The following LMBRD1 variants were observed in gnomAD, a reference collection of about 807,000 sequenced individuals.
LMBRD1 encodes the protein LMBR1 domain containing 1, also known as lysosomal cobalamin transport escort protein LMBD1.
A neutral mutation model predicts 74.8 loss-of-function variants in LMBRD1; 64 were observed. That is an observed-to-expected ratio of 0.86 (90% confidence interval 0.70 to 1.05). LMBRD1 has a LOEUF of 1.05. Among genes scored for constraint, LMBRD1 ranks in the 50% least tolerant of loss-of-function variants. The pLI, the probability that LMBRD1 is intolerant of heterozygous loss-of-function variation, is 0.00. For synonymous variants in LMBRD1, 204 were observed against 216.3 expected, an observed-to-expected ratio of 0.94 and a Z score of 0.50; for missense variants, 652 against 645.9, an observed-to-expected ratio of 1.01 and a Z score of -0.10.
At chr6:69,757,038 A>C (rs142388274) in intron 3 of LMBRD1, among the ~76,000 whole-genome samples, 1 of 152,216 alleles carries the variant, frequency 6.6e-6, no homozygotes, top group Non-Finnish European at 1.5e-5. Context: ...GAAATATTAT[A>C]TGCAGTGATC....
chr6:69,724,358 A>AAC (rs1562099909), intron 7 of LMBRD1, among the ~76,000 whole-genome samples: 1 of 149,458 alleles, frequency 6.7e-6, no homozygotes, highest in Non-Finnish European at 1.5e-5. Flanking sequence ...TAAAAAAAAA[A>AAC]AAAAAAACAC....
At chr6:69,757,198 G>A (rs1022304045) in intron 3 of LMBRD1, among the ~76,000 whole-genome samples, 4 of 152,056 alleles carry the variant, frequency 2.6e-5, no homozygotes, top group African/African-American at 9.7e-5. Flanking sequence ...AACAAGCCCA[G>A]ACACAAGACT....
chr6:69,765,732 C>A (rs1201211469), intron 3 of LMBRD1, among the ~76,000 whole-genome samples: 4 of 152,118 alleles, frequency 2.6e-5, no homozygotes, highest in Admixed American at 2.6e-4. Context: ...TGCATCTTTA[C>A]AGCATTGTGT....
At chr6:69,759,405 T>C (rs1160208017) in intron 3 of LMBRD1, among the ~76,000 whole-genome samples, 1 of 152,034 alleles carries the variant, frequency 6.6e-6, no homozygotes, top group Admixed American at 6.6e-5. Flanking sequence ...TGCAAATTGA[T>C]TCTTTAAAAG....
At chr6:69,740,835 T>C (rs1485052044) in intron 6 of LMBRD1, among the ~76,000 whole-genome samples, 1 of 152,162 alleles carries the variant, frequency 6.6e-6, no homozygotes, top group Non-Finnish European at 1.5e-5. Context: ...TTTTGAGTAA[T>C]ATGATACACA....
In LMBRD1 at chr6:69,796,962, T is replaced by C; in HGVS notation, c.-81A>G. The C allele has an allele frequency of 2.5e-6, 3 of 1,207,500 alleles. No individual in the cohort carries two copies. In the South Asian group the frequency reaches 3.8e-5, roughly 15 times the overall value. The allele number at this position is 1,207,500 out of a possible 1,614,324, so 74.8% of individuals were successfully genotyped here. A position where few individuals can be genotyped will look rare whatever the true frequency, so the allele number is the denominator to read the frequency against. On this transcript the variant is annotated 5_prime_UTR_variant, in exon 1 of 16. Transcript: ENST00000649934. ...AAAGGGGAGAGAGCGCGAGATATAC[T>C]GCACCCGCGCACCCTAAAGGTTAAA...
chr6:69,742,509 C>T (rs6909708), intron 5 of LMBRD1, among the ~76,000 whole-genome samples: 6 of 151,702 alleles, frequency 4.0e-5, no homozygotes, highest in Non-Finnish European at 1.5e-5. Flanking sequence ...GACTGGGAAA[C>T]GATAGAATAA....
intron 7 of LMBRD1, among the ~76,000 whole-genome samples, chr6:69,733,980 C>T (rs1766918255): frequency 6.6e-6 from 1 of 152,146 alleles, no homozygotes; most frequent in Admixed American, 6.6e-5. Context: ...TTAATTAAAT[C>T]CTCACTACTT....
intron 7 of LMBRD1, among the ~76,000 whole-genome samples, chr6:69,736,423 C>T (rs1766978838): frequency 6.6e-6 from 1 of 152,144 alleles, no homozygotes; most frequent in African/African-American, 2.4e-5. Flanking sequence ...CCTAAGGGAA[C>T]TGGGACTCCG....
Position 69,784,957 on chromosome 6 carries a change from G to C in LMBRD1, c.247-4403C>G, listed in dbSNP as rs139967114. On this transcript the variant is annotated intron_variant, in intron 2 of 15. Transcript: ENST00000649934. The stretch of plus-strand genomic sequence containing the variant: ...TTAACCCACTTCTCACTTTCGTAGA[G>C]AACAAAAACTTCCTGAAAAGTTGTC... Among the ~76,000 whole-genome samples the C allele has an allele frequency of 7.9e-5, 12 of 152,234 alleles. No individual in the cohort carries two copies. In the East Asian group the frequency reaches 1.9e-3, roughly 25 times the overall value.
At chr6:69,792,588 G>A (rs1447373935) in intron 1 of LMBRD1, among the ~76,000 whole-genome samples, 1 of 152,074 alleles carries the variant, frequency 6.6e-6, no homozygotes, top group East Asian at 1.9e-4. Context: ...AAGGATCTAG[G>A]CTCAAATTCT....
intron 2 of LMBRD1, among the ~76,000 whole-genome samples, chr6:69,789,820 A>G (rs539884336): frequency 1.3e-5 from 2 of 152,300 alleles, no homozygotes; most frequent in East Asian, 3.9e-4. Context: ...AGGAACCTCA[A>G]GTCCAGAAAA....
chr6:69,733,599 G>C (rs1766909815), intron 7 of LMBRD1, among the ~76,000 whole-genome samples: 1 of 152,070 alleles, frequency 6.6e-6, no homozygotes, highest in African/African-American at 2.4e-5. Context: ...CTCTTGAACA[G>C]GGTATCATCT....
chr6:69,756,761 T>C (rs1765277024), intron 3 of LMBRD1, among the ~76,000 whole-genome samples: 1 of 152,196 alleles, frequency 6.6e-6, no homozygotes, highest in Non-Finnish European at 1.5e-5. Context: ...CCAGCTTTGA[T>C]TACCAAAACT....
intron 6 of LMBRD1, among the ~76,000 whole-genome samples, chr6:69,739,598 T>C (rs1434629735): frequency 6.6e-6 from 1 of 152,020 alleles, no homozygotes; most frequent in Non-Finnish European, 1.5e-5. Context: ...ACTTACAATA[T>C]TCAAAAAAAG....
intron 7 of LMBRD1, among the ~76,000 whole-genome samples, chr6:69,721,179 C>T (rs1766606094): frequency 1.3e-5 from 2 of 152,202 alleles, no homozygotes; most frequent in South Asian, 4.1e-4. Flanking sequence ...GAAACAAGGA[C>T]TGCAATTCCT....
chr6:69,776,885 T>C (rs1442541346), intron 3 of LMBRD1, among the ~76,000 whole-genome samples: 1 of 152,214 alleles, frequency 6.6e-6, no homozygotes, highest in Non-Finnish European at 1.5e-5. Flanking sequence ...GCAGGTGCAG[T>C]GGCTCACGTC....
chr6:69,770,488 G>C (rs1001727230), intron 3 of LMBRD1, among the ~76,000 whole-genome samples: 17 of 152,148 alleles, frequency 1.1e-4, no homozygotes, highest in African/African-American at 3.9e-4. Flanking sequence ...TTTCTGGTGA[G>C]AGAATCTGCC....
chr6:69,711,886 A>C (rs1254024739), intron 9 of LMBRD1, among the ~76,000 whole-genome samples: 8 of 152,008 alleles, frequency 5.3e-5, no homozygotes, highest in African/African-American at 1.9e-4. Flanking sequence ...TTTGCTACAT[A>C]GGTAAACTTG....
Sources: allele counts gnomAD v4.1 joint callset (sites outside exome capture counted in the v4.1 genomes callset), GRCh38; gene constraint gnomAD v4.1.1; transcripts MANE v1.5; gene names NCBI Gene and HGNC (gene_info 2026-07-23, HGNC 2026-07-21).